The following MKNK1 variants were observed in gnomAD, a reference collection of about 807,000 sequenced individuals.
MKNK1 encodes MAPK interacting serine/threonine kinase 1, also known as MAP kinase-interacting serine/threonine-protein kinase 1.
In MKNK1, 30 loss-of-function variants were observed where a neutral mutation model predicts 49.3. That is an observed-to-expected ratio of 0.61 (90% confidence interval 0.46 to 0.83). The LOEUF (loss-of-function observed/expected upper bound fraction) is 0.83, where lower values mean the gene tolerates loss of function less well. Ranked by LOEUF, MKNK1 falls within the 40% of genes least tolerant of loss-of-function variation. MKNK1 has a pLI of 0.00. For synonymous variants in MKNK1, 176 were observed against 201.7 expected (o/e 0.87, Z 1.08); for missense variants, 423 against 524.7 (o/e 0.81, Z 1.89).
intron 7 of MKNK1, among the ~76,000 whole-genome samples, chr1:46,571,186 A>G (rs1176054758): frequency 6.6e-6 from 1 of 152,222 alleles, no homozygotes; most frequent in Non-Finnish European, 1.5e-5. Context: ...AGCGTAAATC[A>G]AATACTAGTA....
At chr1:46,568,045 C>G in intron 8 of MKNK1, among the ~76,000 whole-genome samples, 1 of 151,646 alleles carries the variant, frequency 6.6e-6, no homozygotes, top group Admixed American at 6.6e-5. Flanking sequence ...CCACTTGAGC[C>G]TGGGAAGTCG....
intron 11 of MKNK1, among the ~76,000 whole-genome samples, chr1:46,560,540 A>C (rs1667767821): frequency 6.6e-6 from 1 of 152,178 alleles, no homozygotes; most frequent in African/African-American, 2.4e-5. Context: ...CCCAGGACCC[A>C]GCTCAAGGGT....
chr1:46,565,018 G>C, intron 9 of MKNK1, 23 bp downstream of exon 9: 1 of 1,603,810 alleles, frequency 6.2e-7, no homozygotes, highest in Non-Finnish European at 8.5e-7. Context: ...AAATACTTAG[G>C]AGCCCAGAGG....
chr1:46,573,034 T>C (rs1352628994), intron 6 of MKNK1, among the ~76,000 whole-genome samples: 1 of 152,264 alleles, frequency 6.6e-6, no homozygotes, highest in East Asian at 1.9e-4. Context: ...TGCTATGGAA[T>C]ACTCTTGAAA....
chr1:46,561,340 C>T (rs955415087), intron 11 of MKNK1, 138 bp downstream of exon 11: 3 of 937,056 alleles, frequency 3.2e-6, no homozygotes, highest in South Asian at 4.2e-5. Flanking sequence ...TCACTCTACA[C>T]ACTCAGGGAT....
At chr1:46,571,764 C>T (rs77476286) in intron 7 of MKNK1, among the ~76,000 whole-genome samples, 2,759 of 152,238 alleles carry the variant, frequency 0.018, 86 homozygotes, top group African/African-American at 0.063. Flanking sequence ...GAAACATCAT[C>T]CACACACAGT....
In MKNK1 at chr1:46,558,846, G is replaced by A. The variant is rs1372240514; in HGVS notation, c.1014-46C>T. 3.9e-6 allele frequency: 6 copies of A among 1,543,082 alleles called. 1 individual carries two copies. Among genetic ancestry groups the A allele is most frequent in the South Asian group, 2.4e-5 (2 of 84,608 alleles). On this transcript the variant is annotated intron_variant, in intron 12 of 12. Coordinates refer to ENST00000371945, the MANE Select transcript of MKNK1 (RefSeq NM_001135553.4). ...ACAGAAAAGAGGGTCAGGACTCTAG[G>A]GTCAGCCAGGCCAGCTCCGGGACAC...
intron 2 of MKNK1, among the ~76,000 whole-genome samples, chr1:46,591,009 A>C (rs981869864): frequency 6.6e-6 from 1 of 152,234 alleles, no homozygotes; most frequent in African/African-American, 2.4e-5. Flanking sequence ...ACCAAAGTCC[A>C]CCTACATTAT....
chr1:46,602,685 T>C (rs890212699), intron 1 of MKNK1, among the ~76,000 whole-genome samples: 1 of 152,204 alleles, frequency 6.6e-6, no homozygotes, highest in Non-Finnish European at 1.5e-5. Flanking sequence ...TTAATGTTAG[T>C]GTATTTTATG....
chr1:46,601,123 G>C (rs558319638), intron 1 of MKNK1, among the ~76,000 whole-genome samples: 1 of 152,140 alleles, frequency 6.6e-6, no homozygotes, highest in Non-Finnish European at 1.5e-5. Flanking sequence ...CACCATGTTG[G>C]TCAGGCTGGT....
chr1:46,557,485 C>T lies in MKNK1; in HGVS notation c.*1090G>A, dbSNP rs1164806529. The T allele has an allele frequency of 6.6e-6, 1 of 152,626 alleles. No homozygotes were observed. The highest frequency in any genetic ancestry group is 1.5e-5 in the Non-Finnish European group (1 of 68,048). The allele number at this position is 152,626 out of a possible 1,614,324, so 9.5% of individuals were successfully genotyped here. A position where few individuals can be genotyped will look rare whatever the true frequency, so the allele number is the denominator to read the frequency against. On this transcript the variant is annotated 3_prime_UTR_variant, in exon 13 of 13. Coordinates refer to ENST00000371945, the MANE Select transcript of MKNK1 (RefSeq NM_001135553.4). ...ACCGTGGTGTTGTATAAACGTCTGC[C>T]TGACAAATGCAAATCTATTTTCTTT...
chr1:46,565,668 G>A (rs7543083), intron 8 of MKNK1, among the ~76,000 whole-genome samples: 79,468 of 152,006 alleles, frequency 0.52, 24,718 homozygotes, highest in Non-Finnish European at 0.69. Flanking sequence ...GTTGGTCACC[G>A]TAGGTGGCAT....
At chr1:46,568,322 C>T in intron 8 of MKNK1, 121 bp downstream of exon 8, 1 of 862,254 alleles carries the variant, frequency 1.2e-6, no homozygotes, top group Admixed American at 2.0e-5. Context: ...CTCACATGTC[C>T]AAGACGATCA....
In MKNK1 at chr1:46,576,600, T is replaced by C. The variant is rs1046134729; in HGVS notation, c.253A>G (p.Thr85Ala). 1.2e-6 allele frequency: 2 copies of C among 1,613,874 alleles called. No individual in the cohort carries two copies. Among genetic ancestry groups the C allele is most frequent in the African/African-American group, 2.7e-5 (2 of 74,862 alleles). ...TTGTTTCCCTGACACTGATACAGCG[T>C]CTCCACCTCTCGAAACACCCTACTC... Reference protein sequence around the residue: ...SRSRVFREVETLYQCQGNKNI... With the variant: ...SRSRVFREVEALYQCQGNKNI... Residue 85 changes from threonine (T) to alanine (A), a missense_variant, in exon 5 of 13, where the codon ACG (threonine) becomes GCG (alanine). By Grantham distance (58) the Thr-to-Ala change is moderately conservative (BLOSUM62 0). Transcript: ENST00000371945.
intron 2 of MKNK1, among the ~76,000 whole-genome samples, chr1:46,592,075 A>G (rs1428636027): frequency 2.0e-5 from 3 of 152,196 alleles, no homozygotes; most frequent in Non-Finnish European, 4.4e-5. Context: ...CTCTGTCTCT[A>G]TTAAAAATAC....
At chr1:46,586,094 G>T in intron 2 of MKNK1, 1 of 389,604 alleles carries the variant, frequency 2.6e-6, no homozygotes, top group Non-Finnish European at 5.0e-6. Context: ...AGTTGCCCAT[G>T]TGGAGCCTGG....
intron 7 of MKNK1, among the ~76,000 whole-genome samples, chr1:46,570,709 C>T (rs1486954487): frequency 1.3e-5 from 2 of 152,228 alleles, no homozygotes; most frequent in Non-Finnish European, 2.9e-5. Flanking sequence ...CCCCAACAGG[C>T]AGAATGCTTT....
chr1:46,595,675 G>C (rs1034652583), intron 1 of MKNK1, among the ~76,000 whole-genome samples: 3 of 152,100 alleles, frequency 2.0e-5, no homozygotes, highest in Admixed American at 6.5e-5. Flanking sequence ...CTGAAACCCA[G>C]TAAAACTGTT....
At chr1:46,564,618 A>G (rs971229917) in intron 9 of MKNK1, among the ~76,000 whole-genome samples, 9 of 151,480 alleles carry the variant, frequency 5.9e-5, no homozygotes, top group Non-Finnish European at 1.5e-5. Context: ...CTGGGATTAC[A>G]GGTGCGCGCC....
Sources: allele counts gnomAD v4.1 joint callset (sites outside exome capture counted in the v4.1 genomes callset), GRCh38; gene constraint gnomAD v4.1.1; transcripts MANE v1.5; gene names NCBI Gene and HGNC (gene_info 2026-07-23, HGNC 2026-07-21).